CATSPERD: variants seen among roughly 807,000 people sequenced by gnomAD.
The protein encoded by CATSPERD is catsper channel auxiliary subunit delta.
Under a neutral mutation model 98.1 loss-of-function variants are expected in CATSPERD, and 86 were observed. The observed-to-expected ratio is 0.88, with a 90% CI of 0.74 to 1.05. The LOEUF (loss-of-function observed/expected upper bound fraction) is 1.05. Among genes scored for constraint, CATSPERD ranks in the 50% least tolerant of loss-of-function variants. CATSPERD has a pLI of 0.00. For missense variants in CATSPERD, 995 were observed against 1,005.7 expected, an observed-to-expected ratio of 0.99 and a Z score of 0.14; for synonymous variants, 394 against 390.2, an observed-to-expected ratio of 1.01 and a Z score of -0.12.
At chr19:5,739,831 C>T (rs2055921358) in intron 7 of CATSPERD, among the ~76,000 whole-genome samples, 1 of 47,432 alleles carries the variant, frequency 2.1e-5, no homozygotes, top group Non-Finnish European at 4.7e-5. Context: ...AGAGCGAGAC[C>T]TCATCTCAAA....
rs758919200 is a variant in CATSPERD, at chr19:5,778,367, C to T, written c.2097-9C>T. 7 of 1,594,400 alleles carry T rather than the reference C, an allele frequency of 4.4e-6. No individual in the cohort carries two copies. In the South Asian group the frequency reaches 6.8e-5, roughly 15 times the overall value. On this transcript the variant is annotated splice_polypyrimidine_tract_variant and intron_variant, in intron 21 of 21. Transcript: ENST00000381624. ...CCCAACAGCCTCTCCCCGCCTCCCCCCACCGCAGCTACTGTCAACTGGAGA... is the reference window on the plus strand; with the variant it reads ...CCCAACAGCCTCTCCCCGCCTCCCCTCACCGCAGCTACTGTCAACTGGAGA...
chr19:5,776,103 G>A, intron 20 of CATSPERD, 58 bp from the exon 21 acceptor site: 1 of 1,580,412 alleles, frequency 6.3e-7, no homozygotes, highest in Non-Finnish European at 8.6e-7. Flanking sequence ...GGAGGAGGGA[G>A]GCTCAGGGCC....
intron 11 of CATSPERD, 33 bp from the exon 12 acceptor site, chr19:5,751,614 A>G (rs751960404): frequency 2.3e-5 from 32 of 1,367,766 alleles, no homozygotes; most frequent in Non-Finnish European, 3.0e-5. Flanking sequence ...AACAATTACA[A>G]TGATTAGATC....
chr19:5,762,036 C>CTGTTTTTTATTTGTAGGTACAGGGT (rs2056444695), intron 15 of CATSPERD, among the ~76,000 whole-genome samples: 1 of 72,516 alleles, frequency 1.4e-5, no homozygotes, highest in Non-Finnish European at 2.8e-5. Context: ...CTGCGCCTGG[C>CTGTTTTTTATTTGTAGGTACAGGGT]CTGCCATATA....
chr19:5,753,981 C>G (rs2056274935), intron 12 of CATSPERD, 151 bp from the exon 13 acceptor site: 1 of 632,080 alleles, frequency 1.6e-6, no homozygotes, highest in African/African-American at 1.8e-5. Context: ...CGAGACCCTT[C>G]TGGAAATACA....
Position 5,766,266 on chromosome 19 carries a change from C to A in CATSPERD, c.1559+111C>A, listed in dbSNP as rs892787326. ...AGGAGTTCAAGACCAGCCTGGCCAA[C>A]ATGGCGAAACCCCGTCTCTACTGAA... is the stretch of plus-strand genomic sequence containing the variant. On this transcript the variant is annotated intron_variant, in intron 17 of 21. Coordinates refer to ENST00000381624, the MANE Select transcript of CATSPERD (RefSeq NM_152784.4). 6.3e-4 allele frequency: 315 copies of A among 499,892 alleles called. 1 individual carries two copies. Among genetic ancestry groups the A allele is most frequent in the Non-Finnish European group, 9.0e-4 (282 of 312,632 alleles). The allele number at this position is 499,892 out of a possible 1,614,324, so 31.0% of individuals were successfully genotyped here. A position where few individuals can be genotyped will look rare whatever the true frequency, so the allele number is the denominator to read the frequency against.
rs1465115855 is a variant in CATSPERD, at chr19:5,745,947, G to A, written c.692G>A (p.Arg231Gln). The part of the protein sequence containing the change: ...MFKYSDHPLN[R>Q]SFGLSFDYNG... ...AAGTACTCAGATCACCCCCTCAACCGGAGTTTCGGGCTGTCTTTTGACTAT... is the reference window on the plus strand; with the variant it reads ...AAGTACTCAGATCACCCCCTCAACCAGAGTTTCGGGCTGTCTTTTGACTAT... Residue 231 changes from arginine to glutamine, a missense_variant, in exon 9 of 22, where the codon CGG becomes CAG. By Grantham distance (43) the Arg-to-Gln change is conservative. Coordinates refer to ENST00000381624, the MANE Select transcript of CATSPERD (RefSeq NM_152784.4). 26 of 1,613,944 alleles carry A rather than the reference G, an allele frequency of 1.6e-5. No homozygotes were observed. The highest frequency in any genetic ancestry group is 1.6e-4 in the Middle Eastern group (1 of 6,068).
intron 11 of CATSPERD, among the ~76,000 whole-genome samples, chr19:5,750,093 C>T (rs750140840): frequency 5.3e-5 from 8 of 150,510 alleles, no homozygotes; most frequent in Middle Eastern, 6.8e-3. Flanking sequence ...CGTGAGCCAC[C>T]GCGCCCGGCC....
chr19:5,744,815 G>A lies in CATSPERD; in HGVS notation c.657+305G>A, dbSNP rs145405806. Among the ~76,000 whole-genome samples, 1,066 of 152,204 alleles carry A rather than the reference G, an allele frequency of 7.0e-3. 7 individuals are homozygous for A. The highest frequency in any genetic ancestry group is 0.011 in the Non-Finnish European group (771 of 68,018). On this transcript the variant is annotated intron_variant, in intron 8 of 21. Transcript: ENST00000381624. ...AGGGTTTCACCATGTTGGCCAGGCT[G>A]GTCTCGAACTCCTGAGCTCAAGTGA... is the stretch of plus-strand genomic sequence containing the variant.
rs376275603 is a variant in CATSPERD at position 5,757,920 on chromosome 19, C to G, written c.1356C>G (p.Thr452=). 5 of 1,612,174 alleles carry G rather than the reference C, an allele frequency of 3.1e-6. No individual in the cohort carries two copies. Among genetic ancestry groups the G allele is most frequent in the Non-Finnish European group, 4.2e-6 (5 of 1,179,372 alleles). ...ACGGTTACACATCAGATGGGAACACCAAGTACAAACTGGTGAGCCGCGTCC... is the reference window on the plus strand; with the variant it reads ...ACGGTTACACATCAGATGGGAACACGAAGTACAAACTGGTGAGCCGCGTCC... ...YENGYTSDGN[T]KYKLDIFLKQ... Residue 452 remains threonine, a synonymous_variant, in exon 14 of 22, where the codon ACC becomes ACG. Transcript: ENST00000381624.
intron 5 of CATSPERD, among the ~76,000 whole-genome samples, chr19:5,735,095 T>G (rs2055816305): frequency 1.3e-5 from 2 of 152,084 alleles, no homozygotes; most frequent in African/African-American, 4.8e-5. Flanking sequence ...GGAGTTCAAG[T>G]CCACCCTAGG....
chr19:5,765,970 G>T, intron 16 of CATSPERD, 133 bp from the exon 17 acceptor site: 1 of 551,766 alleles, frequency 1.8e-6, no homozygotes, highest in East Asian at 3.2e-5. Flanking sequence ...CAGGCATCCA[G>T]GGACACGCTG....
At chr19:5,768,059 A>G (rs1249823076) in intron 17 of CATSPERD, 109 bp from the exon 18 acceptor site, 1 of 868,726 alleles carries the variant, frequency 1.2e-6, no homozygotes, top group East Asian at 2.7e-5. Flanking sequence ...CAGCTCCCAA[A>G]GTGCTGGGCC....
chr19:5,739,130 G>T (rs1295742696), intron 6 of CATSPERD, among the ~76,000 whole-genome samples, 196 bp from the exon 7 acceptor site: 1 of 152,144 alleles, frequency 6.6e-6, no homozygotes, highest in Non-Finnish European at 1.5e-5. Flanking sequence ...CTCCCAGAGT[G>T]CTGGGATTAC....
rs1473552882 is a variant in CATSPERD at position 5,722,971 on chromosome 19, G to C, written c.72-1837G>C. ...TGGGAGGTGGAGGCGGGCGGATCAC[G>C]AGGTCAGGAGATCGAGACCATCCTG... On this transcript the variant is annotated intron_variant, in intron 1 of 21. Transcript: ENST00000381624. Among the ~76,000 whole-genome samples the C allele has an allele frequency of 4.6e-5, 7 of 152,006 alleles. No homozygotes were observed. The South Asian group carries it at 1.5e-3, about 32-fold the overall frequency.
At chr19:5,742,493 T>C (rs1449064297) in intron 7 of CATSPERD, among the ~76,000 whole-genome samples, 1 of 152,070 alleles carries the variant, frequency 6.6e-6, no homozygotes, top group African/African-American at 2.4e-5. Context: ...CAATTGTATA[T>C]ATTGACGGCT....
chr19:5,777,749 C>G (rs1442582481), intron 21 of CATSPERD, among the ~76,000 whole-genome samples: 2 of 152,020 alleles, frequency 1.3e-5, no homozygotes, highest in African/African-American at 4.8e-5. Context: ...ATGGTGGGCG[C>G]CTGTAATCCC....
At chr19:5,776,703 G>A (rs567032026) in intron 21 of CATSPERD, among the ~76,000 whole-genome samples, 4 of 151,988 alleles carry the variant, frequency 2.6e-5, no homozygotes, top group Non-Finnish European at 4.4e-5. Flanking sequence ...GTGAAACCCC[G>A]TCTCTACTGA....
chr19:5,769,597 T>C (rs1016779707), intron 18 of CATSPERD, among the ~76,000 whole-genome samples: 1 of 152,170 alleles, frequency 6.6e-6, no homozygotes, highest in South Asian at 2.1e-4. Flanking sequence ...CCATGTGATT[T>C]GTAAGACCTG....
Sources: allele counts gnomAD v4.1 joint callset (sites outside exome capture counted in the v4.1 genomes callset), GRCh38; gene constraint gnomAD v4.1.1; transcripts MANE v1.5; gene names NCBI Gene and HGNC (gene_info 2026-07-23, HGNC 2026-07-21).